PPARGC1A: variants seen among roughly 807,000 people sequenced by gnomAD.
The protein encoded by PPARGC1A is peroxisome proliferator-activated receptor gamma coactivator 1-alpha.
A neutral mutation model predicts 88.7 loss-of-function variants in PPARGC1A; 25 were observed. That is an observed-to-expected ratio of 0.28 (90% CI 0.21 to 0.39). The LOEUF (loss-of-function observed/expected upper bound fraction) is 0.39, where lower values mean the gene tolerates loss of function less well. Ranked by LOEUF, PPARGC1A falls within the 10% of genes least tolerant of loss-of-function variation. The pLI, the probability that PPARGC1A is intolerant of heterozygous loss-of-function variation, is 1.00. For missense variants in PPARGC1A, 880 were observed against 968.7 expected, an observed-to-expected ratio of 0.91 and a Z score of 1.22; for synonymous variants, 363 against 355.6, an observed-to-expected ratio of 1.02 and a Z score of -0.24.
At chr4:24,002,509 C>T in the PPARGC1A span, among the ~76,000 whole-genome samples, 1 of 151,850 alleles carries the variant, frequency 6.6e-6, no homozygotes, top group Admixed American at 6.6e-5. Context: ...TTGCAATGTG[C>T]TATTGAAACA....
chr4:24,300,348 TTTTTTTTTTTTTTTTTTTTGC>T, the PPARGC1A span, among the ~76,000 whole-genome samples: 1 of 130,940 alleles, frequency 7.6e-6, no homozygotes, highest in African/African-American at 3.1e-5. Flanking sequence ...TTTTTTTTTT[TTTTTTTTTTTTTTTTTTTTGC>T]TTAAGTTAAA....
At chr4:23,846,765 T>C (rs1728400869) in intron 2 of PPARGC1A, among the ~76,000 whole-genome samples, 1 of 152,120 alleles carries the variant, frequency 6.6e-6, no homozygotes, top group African/African-American at 2.4e-5. Context: ...GGAAGAGAGA[T>C]GATAGACAAA....
chr4:23,806,254 A>G (rs907993248), intron 10 of PPARGC1A, among the ~76,000 whole-genome samples: 2 of 152,218 alleles, frequency 1.3e-5, no homozygotes, highest in Admixed American at 6.5e-5. Flanking sequence ...CTAAAAATGA[A>G]AATAAAAGGC....
At chr4:24,185,069 TAC>T in the PPARGC1A span, among the ~76,000 whole-genome samples, 7 of 152,172 alleles carry the variant, frequency 4.6e-5, no homozygotes, top group African/African-American at 1.4e-4. Context: ...TCGAGAAAAG[TAC>T]AGAGACTGAT....
the PPARGC1A span, among the ~76,000 whole-genome samples, chr4:24,192,559 GGACA>G: frequency 1.3e-5 from 2 of 152,154 alleles, no homozygotes; most frequent in Non-Finnish European, 2.9e-5. Context: ...TTCCCCAAAA[GGACA>G]GCATTGTAAG....
intron 2 of PPARGC1A, among the ~76,000 whole-genome samples, chr4:23,860,208 G>T (rs1323372859): frequency 1.3e-5 from 2 of 150,824 alleles, no homozygotes; most frequent in African/African-American, 4.9e-5. Flanking sequence ...GGAGTTTGAG[G>T]CTGCAGTAAG....
intron 10 of PPARGC1A, among the ~76,000 whole-genome samples, chr4:23,803,694 G>A (rs1192500073): frequency 6.6e-6 from 1 of 152,166 alleles, no homozygotes; most frequent in African/African-American, 2.4e-5. Flanking sequence ...TAGTTTGTAT[G>A]TATACTAAGG....
chr4:23,959,291 A>G, the PPARGC1A span, among the ~76,000 whole-genome samples: 1 of 152,152 alleles, frequency 6.6e-6, no homozygotes, highest in South Asian at 2.1e-4. Flanking sequence ...ATAAAAATCC[A>G]TCAGGATACA....
At chr4:24,258,425 T>C in the PPARGC1A span, among the ~76,000 whole-genome samples, 63,851 of 152,010 alleles carry the variant, frequency 0.42, 14,517 homozygotes, top group Non-Finnish European at 0.52. Context: ...GCATCTTGAC[T>C]ACCCATCTTT....
intron 2 of PPARGC1A, chr4:23,877,965 T>A (rs1715144924): frequency 6.6e-6 from 1 of 152,196 alleles, no homozygotes; most frequent in African/African-American, 2.4e-5. Flanking sequence ...GTTTGTCCAA[T>A]GCAGCACCCT....
chr4:24,340,600 C>T, the PPARGC1A span, among the ~76,000 whole-genome samples: 19 of 152,062 alleles, frequency 1.2e-4, 1 homozygote, highest in Admixed American at 5.9e-4. Context: ...ACTATTAAGC[C>T]GTAGGTGACT....
chr4:24,421,463 AT>A, the PPARGC1A span, among the ~76,000 whole-genome samples: 1 of 152,002 alleles, frequency 6.6e-6, no homozygotes, highest in African/African-American at 2.4e-5. Flanking sequence ...GGCGCCCGCC[AT>A]CAAGTCCGGC....
At chr4:24,058,316 G>A in the PPARGC1A span, among the ~76,000 whole-genome samples, 1 of 152,202 alleles carries the variant, frequency 6.6e-6, no homozygotes, top group Non-Finnish European at 1.5e-5. Context: ...AAGTGAGACA[G>A]TTCTCTGTCA....
the PPARGC1A span, among the ~76,000 whole-genome samples, chr4:24,239,739 C>T: frequency 6.6e-6 from 1 of 152,172 alleles, no homozygotes; most frequent in Non-Finnish European, 1.5e-5. Context: ...AAATAAACCA[C>T]TTTTCTTTGC....
chr4:24,082,247 A>C, the PPARGC1A span, among the ~76,000 whole-genome samples: 1 of 152,190 alleles, frequency 6.6e-6, no homozygotes, highest in Non-Finnish European at 1.5e-5. Context: ...AATGGTGAGC[A>C]TTTAAACAGA....
At chr4:24,253,595 A>G in the PPARGC1A span, among the ~76,000 whole-genome samples, 2 of 152,230 alleles carry the variant, frequency 1.3e-5, no homozygotes, top group South Asian at 2.1e-4. Context: ...ATAGTCATAC[A>G]TGTAAGATTA....
the PPARGC1A span, among the ~76,000 whole-genome samples, chr4:24,294,176 C>T: frequency 6.6e-6 from 1 of 152,114 alleles, no homozygotes; most frequent in Non-Finnish European, 1.5e-5. Context: ...CTCAGGGGCC[C>T]GTTGCCCAGG....
the PPARGC1A span, among the ~76,000 whole-genome samples, chr4:24,305,505 G>C: frequency 6.6e-6 from 1 of 152,140 alleles, no homozygotes; most frequent in South Asian, 2.1e-4. Flanking sequence ...CATGAGATCT[G>C]CTACCGCTTA....
chr4:24,118,611 T>G, the PPARGC1A span, among the ~76,000 whole-genome samples: 5 of 152,186 alleles, frequency 3.3e-5, no homozygotes, highest in Non-Finnish European at 1.5e-5. Flanking sequence ...AGAACCACAA[T>G]GGTTCTTAAA....
Sources: allele counts gnomAD v4.1 joint callset (sites outside exome capture counted in the v4.1 genomes callset), GRCh38; gene constraint gnomAD v4.1.1; transcripts MANE v1.5; gene names NCBI Gene and HGNC (gene_info 2026-07-23, HGNC 2026-07-21).